The following RERE variants were observed in gnomAD, a reference collection of about 807,000 sequenced individuals.
The protein encoded by RERE is arginine-glutamic acid dipeptide repeats protein.
RERE carries 40 observed loss-of-function variants against 146.1 expected under a neutral mutation model. That is an observed-to-expected ratio of 0.27 (90% CI 0.21 to 0.36). The LOEUF is 0.36. RERE is among the 10% of genes least tolerant of loss of function. RERE has a pLI of 1.00. For synonymous variants in RERE, 1,003 were observed against 866.0 expected (o/e 1.16, Z -2.78); for missense variants, 1,933 against 2,138.7 (o/e 0.90, Z 1.90).
At position 8,715,119 on chromosome 1, in the gene RERE, G is replaced by A. The variant is rs574788000; in HGVS notation, c.-144-58678C>T. 2.0e-4 allele frequency among the ~76,000 whole-genome samples: 31 copies of A among 151,938 alleles called. No individual in the cohort carries two copies. The East Asian group carries it at 5.9e-3, about 29-fold the overall frequency. On this transcript the variant is annotated intron_variant, in intron 1 of 22. Transcript: ENST00000400908. ...AATCTCTTGACCTTATGATCTGCCC[G>A]TCCTGGCCTCCCAAAGTGCCGGGAT...
At chr1:8,546,116 G>A (rs555298297) in intron 6 of RERE, among the ~76,000 whole-genome samples, 31 of 140,306 alleles carry the variant, frequency 2.2e-4, no homozygotes, top group Admixed American at 3.0e-4. Flanking sequence ...CAGCCTTCCC[G>A]GTAGCTGGGA....
chr1:8,628,842 T>C (rs1280280121), intron 2 of RERE, among the ~76,000 whole-genome samples: 1 of 152,192 alleles, frequency 6.6e-6, no homozygotes, highest in East Asian at 1.9e-4. Context: ...TATGAGTGCA[T>C]GGGATGTCTG....
At position 8,530,679 on chromosome 1, in the gene RERE, CT is replaced by C. The variant is rs1197212764; in HGVS notation, c.830+10534del. Among the ~76,000 whole-genome samples, 698 of 96,922 alleles carry C rather than the reference CT, an allele frequency of 7.2e-3. 4 individuals are homozygous for C. Among genetic ancestry groups the C allele is most frequent in the African/African-American group, 0.026 (634 of 24,804 alleles). The allele number at this position is 96,922 out of a possible 152,430, so 63.6% of individuals were successfully genotyped here. A position where few individuals can be genotyped will look rare whatever the true frequency, so the allele number is the denominator to read the frequency against. Reference sequence around the variant, plus strand: ...AGACATGGAACTGAGTTTTCGTTTTCTTTTTTTTTTTTTTTTTTTTTTTGAG... The same window carrying C: ...AGACATGGAACTGAGTTTTCGTTTTCTTTTTTTTTTTTTTTTTTTTTTGAG... On this transcript the variant is annotated intron_variant, in intron 7 of 22. Transcript: ENST00000400908.
At chr1:8,427,342 G>A (rs1410281717) in intron 11 of RERE, among the ~76,000 whole-genome samples, 2 of 152,042 alleles carry the variant, frequency 1.3e-5, no homozygotes, top group East Asian at 1.9e-4. Context: ...TCTAAATGCT[G>A]GAGTCTCCCC....
intron 1 of RERE, among the ~76,000 whole-genome samples, chr1:8,748,880 A>G (rs1308992914): frequency 6.6e-6 from 1 of 152,222 alleles, no homozygotes; most frequent in African/African-American, 2.4e-5. Context: ...ATAATGAGGT[A>G]TCAGAACATA....
chr1:8,452,103 C>T (rs984232886), intron 11 of RERE, among the ~76,000 whole-genome samples: 14 of 152,132 alleles, frequency 9.2e-5, no homozygotes, highest in African/African-American at 3.4e-4. Context: ...AATTAACTAA[C>T]CTCTGTCAAC....
chr1:8,789,293 A>ATAT (rs1553149623), intron 1 of RERE, among the ~76,000 whole-genome samples: 7 of 83,922 alleles, frequency 8.3e-5, no homozygotes, highest in Non-Finnish European at 1.4e-4. Flanking sequence ...AAAAAAAAAA[A>ATAT]AAAAAAAAAT....
At chr1:8,445,705 G>T (rs187869644) in intron 11 of RERE, among the ~76,000 whole-genome samples, 4 of 151,910 alleles carry the variant, frequency 2.6e-5, no homozygotes, top group African/African-American at 9.7e-5. Context: ...TATGTTCGGG[G>T]ATACATGGGC....
chr1:8,419,878 C>T (rs1425730705), intron 12 of RERE, among the ~76,000 whole-genome samples: 3 of 152,132 alleles, frequency 2.0e-5, no homozygotes, highest in African/African-American at 2.4e-5. Flanking sequence ...CATTTTATAA[C>T]GACCACAGCA....
At chr1:8,634,533 G>C (rs1477304577) in intron 2 of RERE, among the ~76,000 whole-genome samples, 1 of 152,130 alleles carries the variant, frequency 6.6e-6, no homozygotes, top group Non-Finnish European at 1.5e-5. Context: ...ATCTATTACA[G>C]TGTCAGCAGG....
At chr1:8,629,623 A>G (rs1170483444) in intron 2 of RERE, among the ~76,000 whole-genome samples, 1 of 152,204 alleles carries the variant, frequency 6.6e-6, no homozygotes, top group Non-Finnish European at 1.5e-5. Flanking sequence ...TATGAAACAC[A>G]AAGAACCTGT....
intron 4 of RERE, among the ~76,000 whole-genome samples, chr1:8,592,326 A>G (rs1251253842): frequency 6.6e-6 from 1 of 151,886 alleles, no homozygotes; most frequent in East Asian, 2.0e-4. Flanking sequence ...ATGGAGTGCG[A>G]TGCTGTAATC....
intron 8 of RERE, among the ~76,000 whole-genome samples, chr1:8,507,396 T>A: frequency 6.6e-6 from 1 of 152,218 alleles, no homozygotes; most frequent in South Asian, 2.1e-4. Context: ...ATCTTGACTC[T>A]CCTGAAGGAA....
At chr1:8,402,349 C>T (rs776046572) in intron 12 of RERE, among the ~76,000 whole-genome samples, 6 of 152,140 alleles carry the variant, frequency 3.9e-5, no homozygotes, top group Non-Finnish European at 8.8e-5. Flanking sequence ...TAAAGAAGAT[C>T]ACAGCTGTTT....
chr1:8,588,839 T>A (rs536492925), intron 4 of RERE, among the ~76,000 whole-genome samples: 41 of 152,250 alleles, frequency 2.7e-4, no homozygotes, highest in African/African-American at 9.6e-4. Flanking sequence ...AACTACTGAC[T>A]GAGGCTGGGC....
chr1:8,663,483 T>C (rs1053825422), intron 1 of RERE, among the ~76,000 whole-genome samples: 3 of 152,176 alleles, frequency 2.0e-5, no homozygotes, highest in African/African-American at 7.2e-5. Context: ...AACTGAATCT[T>C]AGCTTACCTA....
rs776381684 is a variant in RERE, at chr1:8,361,703, G to A, written c.2016+60C>T. The A allele has an allele frequency of 5.4e-4, 792 of 1,474,674 alleles. 2 individuals carry two copies. The highest frequency in any genetic ancestry group is 3.6e-4 in the Non-Finnish European group (381 of 1,058,234). 91.3% of individuals were successfully genotyped at this position (1,474,674 alleles called of 1,614,324 possible). A position where few individuals can be genotyped will look rare whatever the true frequency, so the allele number is the denominator to read the frequency against. On this transcript the variant is annotated intron_variant, in intron 17 of 22. Coordinates refer to ENST00000400908, the MANE Select transcript of RERE (RefSeq NM_001042681.2). ...ACGGCCACCAACTAGGGAGAACCCC[G>A]GCTGGGGGCTTCTGAAGAAGCATTA...
At chr1:8,521,752 GAACC>G (rs1003582008) in intron 7 of RERE, among the ~76,000 whole-genome samples, 9 of 152,294 alleles carry the variant, frequency 5.9e-5, no homozygotes, top group African/African-American at 2.2e-4. Flanking sequence ...GGTGGAATCT[GAACC>G]ACACTACCTG....
intron 1 of RERE, among the ~76,000 whole-genome samples, chr1:8,677,997 T>C (rs1050963508): frequency 5.9e-5 from 9 of 152,174 alleles, no homozygotes; most frequent in African/African-American, 2.2e-4. Flanking sequence ...GAAGAGTTGT[T>C]TGTTCTACTC....
Sources: allele counts gnomAD v4.1 joint callset (sites outside exome capture counted in the v4.1 genomes callset), GRCh38; gene constraint gnomAD v4.1.1; transcripts MANE v1.5; gene names NCBI Gene and HGNC (gene_info 2026-07-23, HGNC 2026-07-21).